ADGB: variants seen among roughly 807,000 people sequenced by gnomAD.
ADGB encodes the protein androglobin.
In ADGB, 172 loss-of-function variants were observed where a neutral mutation model predicts 210.5. The ratio of observed to expected loss-of-function variants is 0.82; its 90% CI spans 0.72 to 0.93. The LOEUF (loss-of-function observed/expected upper bound fraction) is 0.93. Among genes scored for constraint, ADGB ranks in the 40% least tolerant of loss-of-function variants. The probability of loss-of-function intolerance (pLI) is 0.00; values close to 1 mark genes in which losing one functional copy is unlikely to be tolerated. For synonymous variants in ADGB, 658 were observed against 662.7 expected (o/e 0.99, Z 0.11); for missense variants, 2,025 against 1,964.8 (o/e 1.03, Z -0.58).
chr6:146,702,838 G>T (rs1266116046), intron 13 of ADGB, among the ~76,000 whole-genome samples: 1 of 151,720 alleles, frequency 6.6e-6, no homozygotes, highest in East Asian at 1.9e-4. Flanking sequence ...CATGTAGTTG[G>T]ATTGTTTGGC....
At chr6:146,748,167 GAA>G (rs202002689) in intron 26 of ADGB, among the ~76,000 whole-genome samples, 1 of 150,596 alleles carries the variant, frequency 6.6e-6, no homozygotes, top group African/African-American at 2.4e-5. Context: ...GTGGAATATG[GAA>G]AAAAAAACTT....
At chr6:146,664,624 T>C (rs773675077) in intron 6 of ADGB, among the ~76,000 whole-genome samples, 1 of 152,048 alleles carries the variant, frequency 6.6e-6, no homozygotes, top group Non-Finnish European at 1.5e-5. Flanking sequence ...AATGATGTTT[T>C]GTTTAATAGG....
chr6:146,607,221 T>A (rs936077281), intron 1 of ADGB, among the ~76,000 whole-genome samples: 1 of 152,168 alleles, frequency 6.6e-6, no homozygotes, highest in Admixed American at 6.5e-5. Context: ...CATGTGGAAA[T>A]GCTACTGATT....
intron 13 of ADGB, among the ~76,000 whole-genome samples, chr6:146,705,713 A>G (rs1162679331): frequency 6.6e-6 from 1 of 152,092 alleles, no homozygotes; most frequent in Non-Finnish European, 1.5e-5. Flanking sequence ...ATGTATGTTC[A>G]TCAGCGATAT....
intron 1 of ADGB, among the ~76,000 whole-genome samples, chr6:146,611,233 C>T (rs1417835772): frequency 6.6e-6 from 1 of 151,872 alleles, no homozygotes; most frequent in African/African-American, 2.4e-5. Context: ...TGAGGCCGGG[C>T]AGGGACTTTT....
In ADGB at chr6:146,787,057, G is replaced by T. The variant is rs544606960; in HGVS notation, c.4316-1332G>T. 2.4e-4 allele frequency among the ~76,000 whole-genome samples: 37 copies of T among 152,238 alleles called. 1 individual carries two copies. The South Asian group carries it at 7.5e-3, about 31-fold the overall frequency. ...GGGTCAGGAAAGAGGAACTTGATTT[G>T]ATATCAAGTGGGGAAGGATTCTGGA... On this transcript the variant is annotated intron_variant, in intron 32 of 35. Transcript: ENST00000397944.
At chr6:146,758,059 C>T (rs1026766290) in intron 27 of ADGB, among the ~76,000 whole-genome samples, 2 of 152,020 alleles carry the variant, frequency 1.3e-5, no homozygotes, top group Non-Finnish European at 1.5e-5. Flanking sequence ...TTGAGCATGT[C>T]TTCTTTCTTC....
chr6:146,814,994 A>G (rs1201927716), intron 35 of ADGB, 38 bp from the exon 36 acceptor site: 2 of 1,511,624 alleles, frequency 1.3e-6, no homozygotes, highest in African/African-American at 2.8e-5. Flanking sequence ...AGCCTTTACC[A>G]GTGGAACTTA....
intron 10 of ADGB, 112 bp downstream of exon 10, chr6:146,685,940 A>G: frequency 5.3e-6 from 3 of 571,258 alleles, no homozygotes; most frequent in Non-Finnish European, 8.3e-6. Context: ...TTAAAATTCT[A>G]TCTGTGGATG....
At chr6:146,721,698 C>T (rs1269490159) in intron 17 of ADGB, among the ~76,000 whole-genome samples, 193 bp downstream of exon 17, 3 of 151,994 alleles carry the variant, frequency 2.0e-5, no homozygotes, top group Admixed American at 6.6e-5. Context: ...ATTAGCCAGG[C>T]GTGATGGCAC....
chr6:146,736,456 A>G lies in ADGB; in HGVS notation c.2795-42A>G, dbSNP rs1419399452. ...CTTTGGACAAGATGATCTTTCAGGC[A>G]TCTTAAAGCTTAACGTTTTTATTAT... On this transcript the variant is annotated intron_variant, in intron 22 of 35. Coordinates refer to ENST00000397944, the MANE Select transcript of ADGB (RefSeq NM_024694.4). 8.7e-6 allele frequency: 11 copies of G among 1,258,908 alleles called. No homozygotes were observed. The African/African-American group carries it at 9.1e-5, about 10-fold the overall frequency. 78.0% of individuals were successfully genotyped at this position (1,258,908 alleles called of 1,614,324 possible).
chr6:146,665,023 A>T (rs1314974438), intron 6 of ADGB, among the ~76,000 whole-genome samples: 1 of 152,060 alleles, frequency 6.6e-6, no homozygotes, highest in Non-Finnish European at 1.5e-5. Context: ...CGTGTTGGAA[A>T]TGCATGGCAA....
At chr6:146,776,460 T>G (rs1489814922) in intron 29 of ADGB, among the ~76,000 whole-genome samples, 1 of 152,094 alleles carries the variant, frequency 6.6e-6, no homozygotes, top group East Asian at 1.9e-4. Context: ...ACTTAAAATT[T>G]ATGTGAGAAA....
intron 1 of ADGB, chr6:146,600,412 C>T (rs1449182320): frequency 4.8e-6 from 1 of 208,642 alleles, no homozygotes; most frequent in Non-Finnish European, 1.0e-5. Flanking sequence ...TCTCTCCACT[C>T]CCTGAGTCAT....
chr6:146,734,990 A>G (rs1431357551), intron 22 of ADGB, among the ~76,000 whole-genome samples: 1 of 152,096 alleles, frequency 6.6e-6, no homozygotes, highest in East Asian at 1.9e-4. Context: ...TGATAGGAGA[A>G]GCCTTACCTC....
intron 1 of ADGB, among the ~76,000 whole-genome samples, chr6:146,610,251 A>G (rs1780687539): frequency 6.6e-6 from 1 of 152,084 alleles, no homozygotes; most frequent in East Asian, 1.9e-4. Flanking sequence ...ATTTTACTGG[A>G]TTCCTTAAAT....
chr6:146,802,985 C>A, intron 35 of ADGB: 4 of 1,609,038 alleles, frequency 2.5e-6, no homozygotes. Flanking sequence ...CTGCTTGAAG[C>A]CAGTTTAAAC....
chr6:146,634,459 A>G (rs1455313708), intron 1 of ADGB, among the ~76,000 whole-genome samples: 1 of 151,968 alleles, frequency 6.6e-6, no homozygotes, highest in Non-Finnish European at 1.5e-5. Context: ...TGTCCCACCC[A>G]CTGTCTATAG....
At chr6:146,749,381 C>G (rs1043964134) in intron 26 of ADGB, among the ~76,000 whole-genome samples, 2 of 152,080 alleles carry the variant, frequency 1.3e-5, no homozygotes, top group African/African-American at 4.8e-5. Flanking sequence ...GAGAATCAGA[C>G]CTAGGACAGA....
Sources: gnomAD v4.1 joint callset for allele counts (sites outside exome capture counted in the v4.1 genomes callset) on GRCh38, gnomAD v4.1.1 for gene constraint, MANE v1.5 for transcripts, NCBI Gene and HGNC (gene_info 2026-07-23, HGNC 2026-07-21) for gene names.